The following SLC22A2 variants were observed in gnomAD, a reference collection of about 807,000 sequenced individuals.
SLC22A2 encodes the protein solute carrier family 22 member 2.
In SLC22A2, 46 loss-of-function variants were observed where a neutral mutation model predicts 60.5. The ratio of observed to expected loss-of-function variants is 0.76; its 90% CI spans 0.60 to 0.97. The LOEUF is 0.97. Among genes scored for constraint, SLC22A2 ranks in the 50% least tolerant of loss-of-function variants. The probability of loss-of-function intolerance (pLI) is 0.00; values close to 1 mark genes in which losing one functional copy is unlikely to be tolerated. For synonymous variants in SLC22A2, 303 were observed against 267.0 expected, an observed-to-expected ratio of 1.13 and a Z score of -1.31; for missense variants, 701 against 706.6, an observed-to-expected ratio of 0.99 and a Z score of 0.09.
intron 9 of SLC22A2, among the ~76,000 whole-genome samples, chr6:160,237,984 G>A (rs1177885250): frequency 3.9e-5 from 6 of 152,078 alleles, no homozygotes; most frequent in Admixed American, 6.6e-5. Context: ...GTCTAAAAAC[G>A]GGGAACTCAT....
At chr6:160,229,694 C>T (rs1217410792) in intron 9 of SLC22A2, among the ~76,000 whole-genome samples, 1 of 151,734 alleles carries the variant, frequency 6.6e-6, no homozygotes, top group Non-Finnish European at 1.5e-5. Flanking sequence ...TTTCTCTGGG[C>T]TTGCCTCCTT....
intron 9 of SLC22A2, among the ~76,000 whole-genome samples, chr6:160,236,398 A>G (rs1322498988): frequency 6.6e-6 from 1 of 152,160 alleles, no homozygotes; most frequent in Non-Finnish European, 1.5e-5. Context: ...CTTTTGAGCT[A>G]TTAGTATTTA....
intron 4 of SLC22A2, 89 bp from the exon 5 acceptor site, chr6:160,247,387 GT>G (rs1783113322): frequency 1.4e-6 from 1 of 732,216 alleles, no homozygotes; most frequent in Admixed American, 2.1e-5. Flanking sequence ...CTCTGAGGAT[GT>G]TAATACAGTT....
rs115462898 is a variant in SLC22A2 at position 160,226,590 on chromosome 6, C to T, written c.1502-1786G>A. 6.8e-3 allele frequency among the ~76,000 whole-genome samples: 1,028 copies of T among 152,250 alleles called. 7 individuals are homozygous for T. The highest frequency in any genetic ancestry group is 0.022 in the African/African-American group (911 of 41,538). ...GATTTGTGTACGTGATTTTCTTTTT[C>T]TGTCCATAAATCTTCTTTCACCCTG... On this transcript the variant is annotated intron_variant, in intron 9 of 10. Transcript: ENST00000366953.
chr6:160,241,469 C>G lies in SLC22A2; in HGVS notation c.1501+5G>C. On this transcript the variant is annotated splice_donor_5th_base_variant and intron_variant, in intron 9 of 10. Coordinates refer to ENST00000366953, the MANE Select transcript of SLC22A2 (RefSeq NM_003058.4). The stretch of plus-strand genomic sequence containing the variant: ...CACTTAAAGACATCTGTGAAGATTT[C>G]TTACCGAAAACCATCAGCGGGAGCT... 6.3e-7 allele frequency: 1 copy of G among 1,595,756 alleles called. No individual in the cohort carries two copies.
At chr6:160,227,592 T>G (rs1782743979) in intron 9 of SLC22A2, among the ~76,000 whole-genome samples, 1 of 152,242 alleles carries the variant, frequency 6.6e-6, no homozygotes, top group Non-Finnish European at 1.5e-5. Flanking sequence ...TTGGTCAGAA[T>G]GTGGTCACTC....
At chr6:160,228,483 G>T (rs1054138255) in intron 9 of SLC22A2, among the ~76,000 whole-genome samples, 3 of 152,184 alleles carry the variant, frequency 2.0e-5, no homozygotes, top group African/African-American at 7.2e-5. Flanking sequence ...TCCTAAGACT[G>T]AGGGGATTAG....
Position 160,258,593 on chromosome 6 carries a change from T to G in SLC22A2, c.165A>C (p.Gly55=). 2 of 1,613,842 alleles carry G rather than the reference T, an allele frequency of 1.2e-6. No homozygotes were observed. Among genetic ancestry groups the G allele is most frequent in the South Asian group, 1.1e-5 (1 of 91,052 alleles). Residue 55 remains glycine (G), a synonymous_variant, in exon 1 of 11, where the codon GGA becomes GGC. Coordinates refer to ENST00000366953, the MANE Select transcript of SLC22A2 (RefSeq NM_003058.4). ...FTPDHRCRSP[G]VAELSLRCGW... is the part of the protein sequence containing the mutation. The stretch of plus-strand genomic sequence containing the variant: ...CGCAGCGCAGACTCAGCTCGGCCAC[T>G]CCGGGGCTCCGGCAGCGGTGGTCAG...
At chr6:160,244,822 C>T (rs1783064342) in intron 6 of SLC22A2, 2 of 152,120 alleles carry the variant, frequency 1.3e-5, no homozygotes. Flanking sequence ...AGATGCATTC[C>T]CCACTAGAGA....
chr6:160,230,814 G>A (rs1782809245), intron 9 of SLC22A2, among the ~76,000 whole-genome samples: 1 of 68,526 alleles, frequency 1.5e-5, no homozygotes, highest in South Asian at 5.8e-4. Flanking sequence ...TGCAGCCTGG[G>A]CTTCCTCCTA....
chr6:160,243,881 C>G, intron 6 of SLC22A2, 95 bp from the exon 7 acceptor site: 1 of 793,518 alleles, frequency 1.3e-6, no homozygotes, highest in South Asian at 1.6e-5. Flanking sequence ...TTGTAGGTCA[C>G]CTTTCCCTGT....
At chr6:160,255,059 A>G (rs1422145581) in intron 2 of SLC22A2, among the ~76,000 whole-genome samples, 1 of 152,218 alleles carries the variant, frequency 6.6e-6, no homozygotes, top group African/African-American at 2.4e-5. Flanking sequence ...CCAGGGGTGC[A>G]AGGTGGACTC....
chr6:160,241,967 C>T (rs954019029), intron 8 of SLC22A2, among the ~76,000 whole-genome samples: 4 of 151,142 alleles, frequency 2.6e-5, no homozygotes, highest in Non-Finnish European at 4.4e-5. Context: ...ATGGGAGGAG[C>T]AATTGTTTCT....
Position 160,243,589 on chromosome 6 carries a change from G to T in SLC22A2, c.1262C>A (p.Ser421Ter). The change falls in exon 7 of 11, where the codon TCA becomes TAA. Residue 421 changes from serine (S) to a stop codon, truncating the protein, a stop_gained. Coordinates refer to ENST00000366953, the MANE Select transcript of SLC22A2 (RefSeq NM_003058.4). LOFTEE classifies it high-confidence loss of function. ...NMVAGAACLASVFIPGDLQWL... is the reference protein window; with the variant it reads ...NMVAGAACLA ...AAACTTACCACCAGGTATAAAAACTGAGGCCAGACAGGCTGCCCCTGCAAC... is the reference window on the plus strand; with the variant it reads ...AAACTTACCACCAGGTATAAAAACTTAGGCCAGACAGGCTGCCCCTGCAAC... 6.2e-7 allele frequency: 1 copy of T among 1,613,810 alleles called. No homozygotes were observed. The highest frequency in any genetic ancestry group is 1.1e-5 in the South Asian group (1 of 91,044).
Position 160,249,348 on chromosome 6 carries a change from A to T in SLC22A2, c.710T>A (p.Val237Glu), listed in dbSNP as rs780844392. Reference protein sequence around the residue: ...EFVGRRYRRTVGIFYQVAYTV... With the variant: ...EFVGRRYRRTEGIFYQVAYTV... ...ATAGGCAACTTGGTAAAAAATCCCC[A>T]CTGTTCTCCGATATCTCCGCCCAAC... Residue 237 changes from valine to glutamate, a missense_variant, in exon 4 of 11, where the codon GTG becomes GAG. Physicochemically the swap from Val to Glu is moderately radical, Grantham distance 121. Transcript: ENST00000366953. 1 of 1,613,634 alleles carries T rather than the reference A, an allele frequency of 6.2e-7. No individual in the cohort carries two copies. Among genetic ancestry groups the T allele is most frequent in the East Asian group, 2.2e-5 (1 of 44,858 alleles).
chr6:160,256,480 A>C (rs1302729544), intron 2 of SLC22A2, 134 bp downstream of exon 2: 8 of 645,648 alleles, frequency 1.2e-5, no homozygotes, highest in African/African-American at 3.6e-5. Flanking sequence ...GATTGTAAAA[A>C]CACCAGCATG....
chr6:160,218,477 G>C (rs1413289463), intron 10 of SLC22A2, among the ~76,000 whole-genome samples: 4 of 147,740 alleles, frequency 2.7e-5, no homozygotes, highest in Non-Finnish European at 4.5e-5. Flanking sequence ...AACAGCAGCA[G>C]TAACAACAAC....
Position 160,224,812 on chromosome 6 carries a change from C to A in SLC22A2, c.1502-8G>T. Reference sequence around the variant, plus strand: ...CAACCAAGCCAAGCACGCCTGAAAGCCAAACAGATGAATATCACATTAAGA... The same window carrying A: ...CAACCAAGCCAAGCACGCCTGAAAGACAAACAGATGAATATCACATTAAGA... On this transcript the variant is annotated splice_polypyrimidine_tract_variant and splice_region_variant and intron_variant, in intron 9 of 10. Coordinates refer to ENST00000366953, the MANE Select transcript of SLC22A2 (RefSeq NM_003058.4). The A allele has an allele frequency of 1.3e-6, 2 of 1,513,136 alleles. No individual in the cohort carries two copies. Among genetic ancestry groups the A allele is most frequent in the Non-Finnish European group, 1.8e-6 (2 of 1,107,120 alleles). 93.7% of individuals were successfully genotyped at this position (1,513,136 alleles called of 1,614,324 possible).
At chr6:160,245,694 A>ATTTTTTTTTTTTTT (rs11422120) in intron 5 of SLC22A2, 149 bp from the exon 6 acceptor site, 1 of 159,212 alleles carries the variant, frequency 6.3e-6, no homozygotes, top group Non-Finnish European at 1.1e-5. Flanking sequence ...GTCCCATTTC[A>ATTTTTTTTTTTTTT]TTTTTTTTTT....
Sources: gnomAD v4.1 joint callset for allele counts (sites outside exome capture counted in the v4.1 genomes callset) on GRCh38, gnomAD v4.1.1 for gene constraint, MANE v1.5 for transcripts, NCBI Gene and HGNC (gene_info 2026-07-23, HGNC 2026-07-21) for gene names.